Variants in LRRC72 observed in about 807,000 individuals in gnomAD.
LRRC72 encodes leucine rich repeat containing 72.
In LRRC72, 41 loss-of-function variants were observed where a neutral mutation model predicts 35.8. That is an observed-to-expected ratio of 1.15 (90% CI 0.89 to 1.49). The LOEUF is 1.49. LRRC72 is among the 40% of genes most tolerant of loss of function. LRRC72 has a pLI of 0.00. For synonymous variants in LRRC72, 118 were observed against 119.2 expected (o/e 0.99, Z 0.07); for missense variants, 389 against 330.7 (o/e 1.18, Z -1.37).
At chr7:16,580,658 T>TA (rs1459283643) in intron 8 of LRRC72, among the ~76,000 whole-genome samples, 1 of 152,008 alleles carries the variant, frequency 6.6e-6, no homozygotes, top group Non-Finnish European at 1.5e-5. Flanking sequence ...AATAAAAAAA[T>TA]AAAAAATAAA....
intron 7 of LRRC72, among the ~76,000 whole-genome samples, chr7:16,568,417 TG>T (rs1360308644): frequency 6.6e-6 from 1 of 152,268 alleles, no homozygotes; most frequent in East Asian, 1.9e-4. Context: ...AAAAATAGTT[TG>T]GAAGAAATTA....
At chr7:16,569,165 C>T (rs2128338445) in intron 7 of LRRC72, among the ~76,000 whole-genome samples, 1 of 152,268 alleles carries the variant, frequency 6.6e-6, no homozygotes, top group East Asian at 1.9e-4. Flanking sequence ...CGGTGGTTCA[C>T]ACCTGTAATC....
intron 3 of LRRC72, among the ~76,000 whole-genome samples, chr7:16,551,520 T>C (rs1336190660): frequency 3.9e-5 from 6 of 152,146 alleles, no homozygotes; most frequent in Admixed American, 2.0e-4. Context: ...AAGCCCTACT[T>C]CTGGGAGGGG....
At chr7:16,564,514 A>G (rs1296380769) in intron 5 of LRRC72, among the ~76,000 whole-genome samples, 2 of 125,496 alleles carry the variant, frequency 1.6e-5, no homozygotes, top group African/African-American at 1.0e-4. Flanking sequence ...AGAAATCTTG[A>G]AAAAAAAAAA....
chr7:16,534,479 T>G (rs1172126599), intron 2 of LRRC72, among the ~76,000 whole-genome samples: 2 of 152,054 alleles, frequency 1.3e-5, no homozygotes, highest in East Asian at 3.9e-4. Context: ...GAAAATGAAT[T>G]TATTACATTA....
chr7:16,570,250 A>C (rs1411412490), intron 7 of LRRC72, among the ~76,000 whole-genome samples: 6 of 152,316 alleles, frequency 3.9e-5, no homozygotes, highest in South Asian at 4.1e-4. Context: ...AGGTTATGAC[A>C]AACATGAGTT....
At chr7:16,569,609 G>GA (rs1160031626) in intron 7 of LRRC72, among the ~76,000 whole-genome samples, 1 of 152,018 alleles carries the variant, frequency 6.6e-6, no homozygotes, top group African/African-American at 2.4e-5. Flanking sequence ...AGACATCAGA[G>GA]AAAAATATCT....
intron 7 of LRRC72, among the ~76,000 whole-genome samples, chr7:16,573,206 TC>T (rs1262660792): frequency 6.6e-6 from 1 of 152,124 alleles, no homozygotes; most frequent in Non-Finnish European, 1.5e-5. Context: ...AGAATCACTA[TC>T]GTGAAAATGG....
chr7:16,544,108 A>T (rs1036022881), intron 3 of LRRC72, among the ~76,000 whole-genome samples: 2 of 152,216 alleles, frequency 1.3e-5, no homozygotes, highest in Non-Finnish European at 2.9e-5. Context: ...TGCTCCTAGC[A>T]AGTACATTGT....
At chr7:16,533,535 C>T (rs551727876) in intron 2 of LRRC72, among the ~76,000 whole-genome samples, 34 of 151,968 alleles carry the variant, frequency 2.2e-4, no homozygotes, top group Non-Finnish European at 4.1e-4. Context: ...ATAGGCTTGA[C>T]GTATTTTTGC....
At chr7:16,567,303 A>T in intron 6 of LRRC72, 88 bp from the exon 7 acceptor site, 1 of 956,096 alleles carries the variant, frequency 1.0e-6, no homozygotes, top group Non-Finnish European at 1.5e-6. Context: ...GTTTAGATAA[A>T]TACATTCTTG....
chr7:16,551,611 T>C (rs1782550612), intron 3 of LRRC72, among the ~76,000 whole-genome samples: 1 of 152,064 alleles, frequency 6.6e-6, no homozygotes, highest in Middle Eastern at 3.2e-3. Flanking sequence ...TTCATACAAA[T>C]CCTAAAAGAC....
chr7:16,546,209 A>G (rs1377604348), intron 3 of LRRC72, among the ~76,000 whole-genome samples: 1 of 152,242 alleles, frequency 6.6e-6, no homozygotes, highest in African/African-American at 2.4e-5. Flanking sequence ...CTAAACATAC[A>G]ATAACATACT....
At position 16,526,876 on chromosome 7, in the gene LRRC72, A is replaced by G; in HGVS notation, c.-77A>G. On this transcript the variant is annotated 5_prime_UTR_variant, in exon 1 of 9. Transcript: ENST00000401542. Reference sequence around the variant, plus strand: ...GTAACAGAACAACGAGCTGTGCACCAAGCCAAGTCTCTCTTCGGTGCCACC... The same window carrying G: ...GTAACAGAACAACGAGCTGTGCACCGAGCCAAGTCTCTCTTCGGTGCCACC... The G allele has an allele frequency of 8.4e-7, 1 of 1,184,532 alleles. No individual in the cohort carries two copies. The highest frequency in any genetic ancestry group is 2.0e-5 in the Admixed American group (1 of 50,292). The allele number at this position is 1,184,532 out of a possible 1,614,324, so 73.4% of individuals were successfully genotyped here.
intron 2 of LRRC72, among the ~76,000 whole-genome samples, chr7:16,533,335 A>C (rs1305086571): frequency 6.6e-6 from 1 of 152,146 alleles, no homozygotes; most frequent in Non-Finnish European, 1.5e-5. Flanking sequence ...TCTATAGAGT[A>C]GAATGAGATA....
At chr7:16,569,362 G>A (rs1782903514) in intron 7 of LRRC72, among the ~76,000 whole-genome samples, 1 of 151,954 alleles carries the variant, frequency 6.6e-6, no homozygotes, top group Non-Finnish European at 1.5e-5. Context: ...GGAGGCGGAG[G>A]TTGCAGTGAG....
intron 3 of LRRC72, among the ~76,000 whole-genome samples, chr7:16,552,950 C>A (rs1023814760): frequency 6.6e-6 from 1 of 152,110 alleles, no homozygotes; most frequent in African/African-American, 2.4e-5. Context: ...CCTTTCTGTG[C>A]CTCAGTTTCA....
intron 3 of LRRC72, among the ~76,000 whole-genome samples, chr7:16,537,906 A>G (rs574423136): frequency 6.6e-6 from 1 of 152,288 alleles, no homozygotes; most frequent in Admixed American, 6.5e-5. Context: ...GAATAAGGGC[A>G]ATCTGTGAGG....
At chr7:16,554,330 AAAAT>A (rs560705042) in intron 3 of LRRC72, among the ~76,000 whole-genome samples, 1 of 152,192 alleles carries the variant, frequency 6.6e-6, no homozygotes, top group African/African-American at 2.4e-5. Context: ...ACTCCATCTC[AAAAT>A]AAATAAATAA....
Sources: gnomAD v4.1 joint callset for allele counts (sites outside exome capture counted in the v4.1 genomes callset) on GRCh38, gnomAD v4.1.1 for gene constraint, MANE v1.5 for transcripts, NCBI Gene and HGNC (gene_info 2026-07-23, HGNC 2026-07-21) for gene names.